The following RNGTT variants were observed in gnomAD, a reference collection of about 807,000 sequenced individuals.
RNGTT encodes RNA guanylyltransferase and 5'-phosphatase.
A neutral mutation model predicts 79.3 loss-of-function variants in RNGTT; 33 were observed. The ratio of observed to expected loss-of-function variants is 0.42; its 90% confidence interval spans 0.32 to 0.56. RNGTT has a LOEUF of 0.56. Ranked by LOEUF, RNGTT falls within the 20% of genes least tolerant of loss-of-function variation. The pLI, the probability that RNGTT is intolerant of heterozygous loss-of-function variation, is 0.17. For synonymous variants in RNGTT, 222 were observed against 235.9 expected, an observed-to-expected ratio of 0.94 and a Z score of 0.54; for missense variants, 497 against 739.1, an observed-to-expected ratio of 0.67 and a Z score of 3.80.
At chr6:88,864,857 A>C (rs992380418) in intron 8 of RNGTT, among the ~76,000 whole-genome samples, 1 of 152,156 alleles carries the variant, frequency 6.6e-6, no homozygotes, top group African/African-American at 2.4e-5. Context: ...CAAACACTGT[A>C]TCATTCCCTA....
intron 13 of RNGTT, among the ~76,000 whole-genome samples, chr6:88,703,911 T>C (rs939483456): frequency 1.3e-4 from 20 of 152,106 alleles, no homozygotes; most frequent in Non-Finnish European, 2.8e-4. Flanking sequence ...ATATCTAATA[T>C]TGTGTTGTAC....
intron 8 of RNGTT, among the ~76,000 whole-genome samples, chr6:88,880,945 G>C (rs1305927395): frequency 6.6e-6 from 1 of 151,988 alleles, no homozygotes; most frequent in Non-Finnish European, 1.5e-5. Flanking sequence ...GTGTGAAAAA[G>C]CAGATTTCAC....
At chr6:88,672,133 T>C (rs1221581141) in intron 14 of RNGTT, among the ~76,000 whole-genome samples, 1 of 151,718 alleles carries the variant, frequency 6.6e-6, no homozygotes, top group Non-Finnish European at 1.5e-5. Flanking sequence ...ACTAAAAAGT[T>C]TCTGTACAAC....
chr6:88,659,626 A>T (rs9344837), intron 14 of RNGTT, among the ~76,000 whole-genome samples: 17,598 of 151,970 alleles, frequency 0.12, 1,135 homozygotes, highest in Middle Eastern at 0.22. Flanking sequence ...AAAAAAATGA[A>T]CAAAGCCTCC....
At chr6:88,836,647 C>G (rs912888352) in intron 11 of RNGTT, among the ~76,000 whole-genome samples, 22 of 151,918 alleles carry the variant, frequency 1.4e-4, no homozygotes, top group Admixed American at 4.6e-4. Context: ...GAGGCTAAGG[C>G]GGGATGATTG....
At chr6:88,665,714 GA>G (rs1774377558) in intron 14 of RNGTT, among the ~76,000 whole-genome samples, 4 of 152,194 alleles carry the variant, frequency 2.6e-5, no homozygotes, top group Admixed American at 2.6e-4. Flanking sequence ...AGGGGTTCAA[GA>G]ACTTCCCCCA....
At chr6:88,925,583 A>C (rs1435397617) in intron 4 of RNGTT, among the ~76,000 whole-genome samples, 1 of 149,200 alleles carries the variant, frequency 6.7e-6, no homozygotes, top group Non-Finnish European at 1.5e-5. Context: ...ATACGGCAAG[A>C]CCTTACCTCA....
intron 2 of RNGTT, among the ~76,000 whole-genome samples, chr6:88,940,372 C>A (rs1467682935): frequency 6.6e-6 from 1 of 152,168 alleles, no homozygotes; most frequent in Non-Finnish European, 1.5e-5. Flanking sequence ...AGCCATGGCA[C>A]CCAGCCCCAG....
chr6:88,814,754 G>A (rs1468290814), intron 11 of RNGTT, among the ~76,000 whole-genome samples: 2 of 151,944 alleles, frequency 1.3e-5, no homozygotes, highest in Non-Finnish European at 2.9e-5. Context: ...TAAATGACTA[G>A]TCTGGATGTC....
intron 14 of RNGTT, among the ~76,000 whole-genome samples, chr6:88,627,097 T>C (rs763228052): frequency 1.3e-5 from 2 of 152,126 alleles, no homozygotes; most frequent in Non-Finnish European, 2.9e-5. Flanking sequence ...TTTTTCTTTA[T>C]AGTTATACAT....
chr6:88,742,759 A>C (rs1344621045), intron 13 of RNGTT, among the ~76,000 whole-genome samples: 1 of 152,228 alleles, frequency 6.6e-6, no homozygotes, highest in South Asian at 2.1e-4. Flanking sequence ...CATTCACTTA[A>C]AGTGTAAAGG....
chr6:88,661,530 T>C lies in RNGTT; in HGVS notation c.1506+16823A>G, dbSNP rs182171440. Reference sequence around the variant, plus strand: ...ACAGAAATACAAAAAAATCATTCAATGCTACTATGAATAACTTCAGGCACA... The same window carrying C: ...ACAGAAATACAAAAAAATCATTCAACGCTACTATGAATAACTTCAGGCACA... On this transcript the variant is annotated intron_variant, in intron 14 of 15. Coordinates refer to ENST00000369485, the MANE Select transcript of RNGTT (RefSeq NM_003800.5). Among the ~76,000 whole-genome samples the C allele has an allele frequency of 1.9e-3, 290 of 151,978 alleles. 4 individuals carry two copies. Among genetic ancestry groups the C allele is most frequent in the African/African-American group, 6.9e-3 (284 of 41,370 alleles).
intron 4 of RNGTT, among the ~76,000 whole-genome samples, chr6:88,924,639 C>T (rs565709626): frequency 6.6e-6 from 1 of 151,952 alleles, no homozygotes; most frequent in East Asian, 1.9e-4. Flanking sequence ...ATTTGTCCAA[C>T]ATCTTTTTGC....
chr6:88,663,580 T>C (rs1176995638), intron 14 of RNGTT, among the ~76,000 whole-genome samples: 1 of 152,086 alleles, frequency 6.6e-6, no homozygotes, highest in Non-Finnish European at 1.5e-5. Context: ...CGACCCCACA[T>C]CAGAGGATGC....
At chr6:88,940,066 C>CT (rs112969054) in intron 2 of RNGTT, among the ~76,000 whole-genome samples, 98 of 140,986 alleles carry the variant, frequency 7.0e-4, no homozygotes, top group Admixed American at 9.2e-4. Context: ...CCCAGTTTTT[C>CT]TTTTTTTTTT....
chr6:88,889,120 G>A (rs1344713278), intron 8 of RNGTT, among the ~76,000 whole-genome samples: 1 of 152,084 alleles, frequency 6.6e-6, no homozygotes, highest in East Asian at 1.9e-4. Context: ...ATCTCTAGGT[G>A]ATAAAATTTC....
chr6:88,645,105 C>A (rs1048552049), intron 14 of RNGTT, among the ~76,000 whole-genome samples: 1 of 152,160 alleles, frequency 6.6e-6, no homozygotes, highest in Non-Finnish European at 1.5e-5. Flanking sequence ...TAGAAAACCC[C>A]ATTGTCTTCA....
At chr6:88,759,576 A>G (rs546957249) in intron 13 of RNGTT, among the ~76,000 whole-genome samples, 7 of 152,278 alleles carry the variant, frequency 4.6e-5, no homozygotes, top group Admixed American at 3.3e-4. Context: ...ATATATATTC[A>G]AATATTTTAA....
intron 13 of RNGTT, among the ~76,000 whole-genome samples, chr6:88,691,197 T>C (rs1433846919): frequency 6.6e-6 from 1 of 152,110 alleles, no homozygotes; most frequent in African/African-American, 2.4e-5. Flanking sequence ...TCACGAGACA[T>C]GGTTGTTTAA....
Sources: allele counts gnomAD v4.1 joint callset (sites outside exome capture counted in the v4.1 genomes callset), GRCh38; gene constraint gnomAD v4.1.1; transcripts MANE v1.5; gene names NCBI Gene and HGNC (gene_info 2026-07-23, HGNC 2026-07-21).